PKIB: variants seen among roughly 807,000 people sequenced by gnomAD.
The protein encoded by PKIB is cAMP-dependent protein kinase inhibitor beta.
Under a neutral mutation model 4.5 loss-of-function variants are expected in PKIB, and 2 were observed. The observed-to-expected ratio is 0.44, with a 90% CI of 0.18 to 1.39. The LOEUF is 1.39. Ranked by LOEUF, PKIB falls within the 40% of genes most tolerant of loss-of-function variation. PKIB has a pLI of 0.27. For synonymous variants in PKIB, 38 were observed against 36.0 expected (o/e 1.06, Z -0.20); for missense variants, 94 against 92.6 (o/e 1.02, Z -0.06).
intron 2 of PKIB, among the ~76,000 whole-genome samples, chr6:122,576,713 TTCTTTTGTATAATTATACCTCAGTAAAG>T (rs1773553420): frequency 7.6e-6 from 1 of 130,874 alleles, no homozygotes; most frequent in African/African-American, 2.9e-5. Flanking sequence ...TATATATATT[TTCTTTTGTATAATTATACCTCAGTAAAG>T]TTAATTTTAA....
At chr6:122,688,610 A>C (rs1029355360) in intron 3 of PKIB, among the ~76,000 whole-genome samples, 2 of 151,916 alleles carry the variant, frequency 1.3e-5, no homozygotes, top group Non-Finnish European at 2.9e-5. Flanking sequence ...GAGACTTTTT[A>C]TTATGGCTTC....
chr6:122,556,373 G>GT (rs927956181), intron 2 of PKIB, among the ~76,000 whole-genome samples: 143 of 152,250 alleles, frequency 9.4e-4, no homozygotes, highest in Middle Eastern at 3.4e-3. Context: ...CACAGGACAA[G>GT]TTACTGCATC....
chr6:122,547,295 G>T (rs1019918864), intron 2 of PKIB, among the ~76,000 whole-genome samples: 2 of 151,948 alleles, frequency 1.3e-5, no homozygotes, highest in African/African-American at 2.4e-5. Flanking sequence ...GGGTGGAGGC[G>T]TAGGCAGATA....
chr6:122,476,688 A>C (rs1775458369), intron 1 of PKIB, among the ~76,000 whole-genome samples: 1 of 152,202 alleles, frequency 6.6e-6, no homozygotes, highest in Non-Finnish European at 1.5e-5. Flanking sequence ...TAGCAAATTC[A>C]AATATGTGTC....
intron 2 of PKIB, among the ~76,000 whole-genome samples, chr6:122,659,254 A>G (rs1001111348): frequency 2.0e-5 from 3 of 152,170 alleles, no homozygotes; most frequent in Admixed American, 2.0e-4. Context: ...ACTTGAATGT[A>G]TTTTTAAATG....
chr6:122,549,907 CACAT>C (rs367962747), intron 2 of PKIB, among the ~76,000 whole-genome samples: 4 of 146,286 alleles, frequency 2.7e-5, no homozygotes, highest in Non-Finnish European at 6.0e-5. Flanking sequence ...CACACACACA[CACAT>C]ATATATATAT....
intron 3 of PKIB, among the ~76,000 whole-genome samples, chr6:122,598,796 T>A (rs772539489): frequency 2.0e-5 from 3 of 152,056 alleles, no homozygotes; most frequent in Non-Finnish European, 4.4e-5. Context: ...ACAAATAAAC[T>A]ATTATAATCT....
intron 2 of PKIB, among the ~76,000 whole-genome samples, chr6:122,494,520 G>A (rs1443167174): frequency 6.6e-6 from 1 of 152,138 alleles, no homozygotes; most frequent in Non-Finnish European, 1.5e-5. Flanking sequence ...ATACCCCCTT[G>A]GGAAATACTG....
intron 2 of PKIB, among the ~76,000 whole-genome samples, chr6:122,564,204 C>G (rs1237265402): frequency 6.6e-6 from 1 of 152,152 alleles, no homozygotes; most frequent in Non-Finnish European, 1.5e-5. Flanking sequence ...CTCCAGGGTC[C>G]TGCAGGAGCA....
At chr6:122,605,312 TG>T (rs111291518), upstream of PKIB, among the ~76,000 whole-genome samples, 14,758 of 152,268 alleles carry the variant, frequency 0.097, 837 homozygotes, top group East Asian at 0.18. Flanking sequence ...ATGGAATTTA[TG>T]GTTCCTGTCC....
At chr6:122,599,425 T>C (rs980250430) in intron 3 of PKIB, among the ~76,000 whole-genome samples, 1 of 152,200 alleles carries the variant, frequency 6.6e-6, no homozygotes, top group Non-Finnish European at 1.5e-5. Context: ...AGGCTGTGCA[T>C]GCATTTTTCA....
chr6:122,492,307 T>C (rs1396557325), intron 2 of PKIB, among the ~76,000 whole-genome samples: 1 of 152,116 alleles, frequency 6.6e-6, no homozygotes, highest in Non-Finnish European at 1.5e-5. Flanking sequence ...GGACAAAAAC[T>C]GAGCAGAGGA....
chr6:122,663,138 A>T lies in PKIB; in HGVS notation c.-75-11940A>T, dbSNP rs1160265083. On this transcript the variant is annotated intron_variant, in intron 2 of 4. Transcript: ENST00000368452. ...TGATATCTGTTAATACCCACAGATC[A>T]TGAGATGACACCTAAAAGCACTAGA... Among the ~76,000 whole-genome samples the T allele has an allele frequency of 2.0e-5, 3 of 152,190 alleles. No individual in the cohort carries two copies. In the East Asian group the frequency reaches 5.8e-4, roughly 29 times the overall value.
intron 2 of PKIB, among the ~76,000 whole-genome samples, chr6:122,557,152 C>T (rs930797944): frequency 4.6e-5 from 7 of 152,162 alleles, no homozygotes; most frequent in Non-Finnish European, 7.4e-5. Context: ...GGAGGCAGAG[C>T]TTGCAGTGAG....
chr6:122,536,869 CAG>C (rs1393990754), intron 2 of PKIB, among the ~76,000 whole-genome samples: 1 of 147,982 alleles, frequency 6.8e-6, no homozygotes, highest in African/African-American at 2.5e-5. Flanking sequence ...GCATAAAAGA[CAG>C]TATTTTTGTC....
chr6:122,667,981 C>A (rs1452618241), intron 2 of PKIB, among the ~76,000 whole-genome samples: 1 of 152,138 alleles, frequency 6.6e-6, no homozygotes. Flanking sequence ...CCACCCTCTA[C>A]CCTGCTCCCA....
intron 2 of PKIB, among the ~76,000 whole-genome samples, chr6:122,506,787 C>T (rs897366490): frequency 7.4e-5 from 11 of 149,206 alleles, no homozygotes; most frequent in East Asian, 2.0e-4. Flanking sequence ...GCAAGCTCCG[C>T]CTCCCGGGTT....
intron 2 of PKIB, among the ~76,000 whole-genome samples, chr6:122,554,866 T>G (rs1472672112): frequency 2.0e-5 from 3 of 152,148 alleles, no homozygotes; most frequent in Non-Finnish European, 4.4e-5. Flanking sequence ...ATTAGTAACT[T>G]TAGATAATTG....
chr6:122,531,105 G>A (rs1777241935), intron 2 of PKIB: 2 of 152,108 alleles, frequency 1.3e-5, no homozygotes, highest in South Asian at 4.1e-4. Flanking sequence ...AATATCATAC[G>A]TGTATAGGAA....
Sources: gnomAD v4.1 joint callset for allele counts (sites outside exome capture counted in the v4.1 genomes callset) on GRCh38, gnomAD v4.1.1 for gene constraint, MANE v1.5 for transcripts, NCBI Gene and HGNC (gene_info 2026-07-23, HGNC 2026-07-21) for gene names.